Variants in CDKAL1 observed in about 807,000 individuals in gnomAD.
CDKAL1 encodes CDKAL1 threonylcarbamoyladenosine tRNA methylthiotransferase.
CDKAL1 carries 32 observed loss-of-function variants against 68.2 expected under a neutral mutation model. That is an observed-to-expected ratio of 0.47 (90% confidence interval 0.35 to 0.63). The LOEUF (loss-of-function observed/expected upper bound fraction) is 0.63. Ranked by LOEUF, CDKAL1 falls within the 30% of genes least tolerant of loss-of-function variation. The pLI, the probability that CDKAL1 is intolerant of heterozygous loss-of-function variation, is 0.00. For missense variants in CDKAL1, 606 were observed against 696.7 expected (o/e 0.87, Z 1.47); for synonymous variants, 234 against 244.3 (o/e 0.96, Z 0.39).
chr6:21,221,821 A>C (rs1484037926), intron 15 of CDKAL1, among the ~76,000 whole-genome samples: 1 of 152,234 alleles, frequency 6.6e-6, no homozygotes, highest in Non-Finnish European at 1.5e-5. Context: ...GTAAGTTCAG[A>C]GCTTAAGAGT....
intron 12 of CDKAL1, among the ~76,000 whole-genome samples, chr6:21,081,110 G>A (rs1054323371): frequency 6.6e-6 from 1 of 152,146 alleles, no homozygotes; most frequent in African/African-American, 2.4e-5. Flanking sequence ...GCCTGTCAAA[G>A]AAATAAACTC....
chr6:20,968,827 G>A (rs186659037), intron 10 of CDKAL1, among the ~76,000 whole-genome samples: 17 of 151,666 alleles, frequency 1.1e-4, no homozygotes, highest in South Asian at 2.1e-4. Context: ...TTAATTCTTG[G>A]GACATGGTTT....
chr6:20,865,577 G>T (rs567427001), intron 9 of CDKAL1, among the ~76,000 whole-genome samples: 2 of 151,958 alleles, frequency 1.3e-5, no homozygotes, highest in African/African-American at 4.8e-5. Context: ...ACATTTAAGT[G>T]CATTCACTAA....
chr6:20,974,400 A>G (rs79560599), intron 10 of CDKAL1, among the ~76,000 whole-genome samples: 8,754 of 152,250 alleles, frequency 0.057, 397 homozygotes, highest in East Asian at 0.19. Flanking sequence ...TTATTACTGA[A>G]GAAGAGAGAA....
chr6:21,102,226 T>C (rs543980163), intron 12 of CDKAL1, among the ~76,000 whole-genome samples: 1 of 152,320 alleles, frequency 6.6e-6, no homozygotes, highest in Admixed American at 6.5e-5. Flanking sequence ...TCAGTTCTTT[T>C]ACCGTGCTTT....
chr6:20,592,032 C>T (rs1011440682), intron 4 of CDKAL1, among the ~76,000 whole-genome samples: 3 of 152,106 alleles, frequency 2.0e-5, no homozygotes, highest in African/African-American at 7.2e-5. Context: ...TTGTTTGTGT[C>T]CTCTCTTATT....
intron 12 of CDKAL1, among the ~76,000 whole-genome samples, chr6:21,093,459 G>T (rs539101574): frequency 6.6e-6 from 1 of 152,292 alleles, no homozygotes; most frequent in Admixed American, 6.5e-5. Flanking sequence ...ACAGATGAGA[G>T]GTGAGCGAAA....
chr6:20,736,204 G>A (rs2150319740), intron 5 of CDKAL1, among the ~76,000 whole-genome samples: 1 of 151,328 alleles, frequency 6.6e-6, no homozygotes, highest in East Asian at 1.9e-4. Flanking sequence ...GCCTGTTTTT[G>A]TAAATAAAGT....
chr6:20,713,396 A>G (rs999800147), intron 5 of CDKAL1, among the ~76,000 whole-genome samples: 6 of 152,214 alleles, frequency 3.9e-5, no homozygotes, highest in Non-Finnish European at 5.9e-5. Context: ...TAAAAATGAT[A>G]CCACATCCTA....
intron 8 of CDKAL1, among the ~76,000 whole-genome samples, chr6:20,797,760 CTTTAT>C (rs140101518): frequency 0.23 from 27,132 of 119,142 alleles, 3,224 homozygotes; most frequent in East Asian, 0.43. Flanking sequence ...TGATTGATTG[CTTTAT>C]TTTATTTTAT....
Position 21,054,900 on chromosome 6 carries a change from CAA to C in CDKAL1, c.1056-10135_1056-10134del, listed in dbSNP as rs201866833. 3.2e-3 allele frequency among the ~76,000 whole-genome samples: 459 copies of C among 143,860 alleles called. 1 individual carries two copies. Among genetic ancestry groups the C allele is most frequent in the Non-Finnish European group, 5.1e-3 (334 of 65,280 alleles). The allele number at this position is 143,860 out of a possible 152,430, so 94.4% of individuals were successfully genotyped here. ...TACATACAAGGTCATGTCACCTGCC[CAA>C]AAAAAAAAAAAATTCTGTCTTTTAA... On this transcript the variant is annotated intron_variant, in intron 11 of 15. Coordinates refer to ENST00000274695, the MANE Select transcript of CDKAL1 (RefSeq NM_017774.3).
chr6:20,894,195 A>G (rs984688899), intron 9 of CDKAL1, among the ~76,000 whole-genome samples: 2 of 106,522 alleles, frequency 1.9e-5, no homozygotes, highest in Non-Finnish European at 4.6e-5. Flanking sequence ...CATATTATTG[A>G]CCTCAACTAT....
intron 11 of CDKAL1, among the ~76,000 whole-genome samples, chr6:21,010,630 A>G (rs1208859088): frequency 6.6e-6 from 1 of 152,190 alleles, no homozygotes; most frequent in Non-Finnish European, 1.5e-5. Context: ...TCAGGAAGAA[A>G]TCAAGGGAGC....
At chr6:20,769,768 C>G (rs946089130) in intron 7 of CDKAL1, among the ~76,000 whole-genome samples, 2 of 152,088 alleles carry the variant, frequency 1.3e-5, no homozygotes, top group African/African-American at 4.8e-5. Context: ...TTCTGTCTAG[C>G]TCTTTGTGGC....
At chr6:20,853,851 A>G (rs1480617175) in intron 9 of CDKAL1, among the ~76,000 whole-genome samples, 1 of 152,222 alleles carries the variant, frequency 6.6e-6, no homozygotes, top group Non-Finnish European at 1.5e-5. Flanking sequence ...AAGGAGTCTG[A>G]GGAAAAACCC....
intron 5 of CDKAL1, among the ~76,000 whole-genome samples, chr6:20,694,192 A>ACAAACAAACAAG (rs1554181967): frequency 4.0e-5 from 6 of 150,984 alleles, no homozygotes; most frequent in South Asian, 2.1e-4. Flanking sequence ...AAACAAACAA[A>ACAAACAAACAAG]CAAACAAGCA....
At position 20,590,578 on chromosome 6, in the gene CDKAL1, A is replaced by C. The variant is rs191910222; in HGVS notation, c.286+41873A>C. On this transcript the variant is annotated intron_variant, in intron 4 of 15. Coordinates refer to ENST00000274695, the MANE Select transcript of CDKAL1 (RefSeq NM_017774.3). ...TGTGTCCATGTGTTCTCATTGTTCAACTCCCACTTATGAGTGAGAACATGC... is the reference window on the plus strand; with the variant it reads ...TGTGTCCATGTGTTCTCATTGTTCACCTCCCACTTATGAGTGAGAACATGC... Among the ~76,000 whole-genome samples, 216 of 151,436 alleles carry C rather than the reference A, an allele frequency of 1.4e-3. 2 individuals are homozygous for C. Among genetic ancestry groups the C allele is most frequent in the African/African-American group, 5.0e-3 (205 of 41,194 alleles).
intron 9 of CDKAL1, among the ~76,000 whole-genome samples, chr6:20,921,227 A>G (rs1016994453): frequency 6.6e-6 from 1 of 152,164 alleles, no homozygotes; most frequent in Non-Finnish European, 1.5e-5. Context: ...TCAAGAGATC[A>G]AGACCAACCT....
chr6:20,984,544 T>A (rs914235002), intron 10 of CDKAL1, among the ~76,000 whole-genome samples: 2 of 152,168 alleles, frequency 1.3e-5, no homozygotes, highest in South Asian at 4.1e-4. Context: ...CAAATTCTTG[T>A]CTGGCTTCCA....
Sources: gnomAD v4.1 joint callset for allele counts (sites outside exome capture counted in the v4.1 genomes callset) on GRCh38, gnomAD v4.1.1 for gene constraint, MANE v1.5 for transcripts, NCBI Gene and HGNC (gene_info 2026-07-23, HGNC 2026-07-21) for gene names.